The following PRKCI variants were observed in gnomAD, a reference collection of about 807,000 sequenced individuals.
The protein encoded by PRKCI is protein kinase C iota type.
A neutral mutation model predicts 84.0 loss-of-function variants in PRKCI; 43 were observed. The ratio of observed to expected loss-of-function variants is 0.51; its 90% confidence interval spans 0.40 to 0.66. The LOEUF is 0.66. PRKCI is among the 30% of genes least tolerant of loss of function. PRKCI has a pLI of 0.00. For synonymous variants in PRKCI, 216 were observed against 234.4 expected, an observed-to-expected ratio of 0.92 and a Z score of 0.72; for missense variants, 459 against 745.6, an observed-to-expected ratio of 0.62 and a Z score of 4.48.
intron 2 of PRKCI, among the ~76,000 whole-genome samples, chr3:170,253,010 A>G (rs1441446339): frequency 3.9e-5 from 6 of 152,160 alleles, no homozygotes; most frequent in African/African-American, 1.2e-4. Flanking sequence ...ACTTGACACA[A>G]TGTCTTCCAG....
At chr3:170,232,572 GT>G (rs201246763) in intron 1 of PRKCI, among the ~76,000 whole-genome samples, 3,778 of 144,570 alleles carry the variant, frequency 0.026, 63 homozygotes, top group East Asian at 0.087. Flanking sequence ...AGCTGGGTGT[GT>G]TTTTTTTTTT....
intron 2 of PRKCI, among the ~76,000 whole-genome samples, chr3:170,249,846 G>A (rs979090083): frequency 1.7e-4 from 25 of 151,186 alleles, no homozygotes; most frequent in African/African-American, 4.6e-4. Context: ...GGCAAAATGA[G>A]ATAAATTTAC....
chr3:170,266,666 G>T (rs1002955956), intron 4 of PRKCI, among the ~76,000 whole-genome samples: 1 of 152,134 alleles, frequency 6.6e-6, no homozygotes, highest in Non-Finnish European at 1.5e-5. Flanking sequence ...CCTGAATCTT[G>T]ATTGCATCCT....
intron 1 of PRKCI, among the ~76,000 whole-genome samples, chr3:170,223,970 GGTTA>G (rs1313804464): frequency 1.3e-4 from 20 of 151,756 alleles, no homozygotes; most frequent in Non-Finnish European, 1.5e-5. Context: ...ACAATGTGCA[GGTTA>G]GTTACATGTG....
At chr3:170,226,454 C>G (rs1426988727) in intron 1 of PRKCI, among the ~76,000 whole-genome samples, 1 of 152,078 alleles carries the variant, frequency 6.6e-6, no homozygotes, top group Admixed American at 6.6e-5. Context: ...AAATTACTTG[C>G]TATTATGGGA....
At chr3:170,259,130 G>A (rs1432942516) in intron 2 of PRKCI, among the ~76,000 whole-genome samples, 1 of 151,878 alleles carries the variant, frequency 6.6e-6, no homozygotes, top group Non-Finnish European at 1.5e-5. Flanking sequence ...GGCAACAAGA[G>A]CCAAACTCCA....
intron 2 of PRKCI, among the ~76,000 whole-genome samples, chr3:170,257,125 A>G (rs529086338): frequency 2.7e-4 from 41 of 152,330 alleles, no homozygotes; most frequent in African/African-American, 9.9e-4. Context: ...GAATGCTGCC[A>G]TGGTAGAGAA....
At chr3:170,242,797 A>G (rs1291344747) in intron 2 of PRKCI, among the ~76,000 whole-genome samples, 1 of 151,744 alleles carries the variant, frequency 6.6e-6, no homozygotes, top group Non-Finnish European at 1.5e-5. Flanking sequence ...CAACCTCCCG[A>G]GTAGCTGGGA....
intron 1 of PRKCI, among the ~76,000 whole-genome samples, chr3:170,227,173 G>A (rs1271024335): frequency 2.0e-5 from 3 of 152,284 alleles, no homozygotes; most frequent in Non-Finnish European, 2.9e-5. Flanking sequence ...TACAACTTTA[G>A]TGTCTGTTTT....
At chr3:170,241,574 G>T (rs1733133218) in intron 2 of PRKCI, among the ~76,000 whole-genome samples, 1 of 152,160 alleles carries the variant, frequency 6.6e-6, no homozygotes, top group South Asian at 2.1e-4. Context: ...TTTATCCATT[G>T]ATGGGCATTT....
intron 1 of PRKCI, among the ~76,000 whole-genome samples, chr3:170,226,596 CCTT>C (rs1732633358): frequency 6.6e-6 from 1 of 152,252 alleles, no homozygotes; most frequent in African/African-American, 2.4e-5. Flanking sequence ...ACAGAGGATT[CCTT>C]CTGTGCACAT....
At chr3:170,272,954 A>G (rs2291930) in intron 6 of PRKCI, among the ~76,000 whole-genome samples, 12,322 of 152,176 alleles carry the variant, frequency 0.081, 1,199 homozygotes, top group African/African-American at 0.23. Flanking sequence ...ATATTCCAGA[A>G]ACTTATTTTT....
At chr3:170,230,963 G>GTT (rs375182104) in intron 1 of PRKCI, among the ~76,000 whole-genome samples, 74 of 128,098 alleles carry the variant, frequency 5.8e-4, no homozygotes, top group East Asian at 2.8e-3. Flanking sequence ...TTTTTTTTTT[G>GTT]TTTTTTTTTT....
intron 1 of PRKCI, among the ~76,000 whole-genome samples, chr3:170,225,915 T>C (rs1190414732): frequency 6.6e-6 from 1 of 151,918 alleles, no homozygotes; most frequent in African/African-American, 2.4e-5. Flanking sequence ...TTTTATTTTA[T>C]TTATTTATTT....
intron 2 of PRKCI, among the ~76,000 whole-genome samples, chr3:170,245,326 C>CGGG (rs139190713): frequency 1.5e-4 from 23 of 152,010 alleles, no homozygotes; most frequent in African/African-American, 5.3e-4. Context: ...CCTAAACCTA[C>CGGG]GGGGGTCTGT....
chr3:170,236,736 C>G (rs1476800887), intron 2 of PRKCI, among the ~76,000 whole-genome samples: 1 of 151,780 alleles, frequency 6.6e-6, no homozygotes, highest in Non-Finnish European at 1.5e-5. Context: ...TAGCGTGCAC[C>G]TGTGGTCCCA....
chr3:170,271,061 A>G (rs1052140754), intron 6 of PRKCI, among the ~76,000 whole-genome samples: 3 of 152,206 alleles, frequency 2.0e-5, no homozygotes, highest in African/African-American at 7.2e-5. Context: ...CAGAATACAG[A>G]TGAATAAAGA....
intron 6 of PRKCI, among the ~76,000 whole-genome samples, chr3:170,271,750 G>T (rs955484994): frequency 6.6e-6 from 1 of 152,142 alleles, no homozygotes; most frequent in Non-Finnish European, 1.5e-5. Context: ...TCTGGGGTTG[G>T]TTTGTTTGTT....
At chr3:170,276,345 C>T (rs1734114182) in intron 8 of PRKCI, among the ~76,000 whole-genome samples, 1 of 152,198 alleles carries the variant, frequency 6.6e-6, no homozygotes, top group South Asian at 2.1e-4. Context: ...TTTGTCTACT[C>T]ACTTCCCTCA....
Sources: gnomAD v4.1 joint callset for allele counts (sites outside exome capture counted in the v4.1 genomes callset) on GRCh38, gnomAD v4.1.1 for gene constraint, MANE v1.5 for transcripts, NCBI Gene and HGNC (gene_info 2026-07-23, HGNC 2026-07-21) for gene names.